The following PHACTR1 variants were observed in gnomAD, a reference collection of about 807,000 sequenced individuals.
PHACTR1 encodes the protein phosphatase and actin regulator 1.
A neutral mutation model predicts 69.2 loss-of-function variants in PHACTR1; 16 were observed. The ratio of observed to expected loss-of-function variants is 0.23; its 90% confidence interval spans 0.16 to 0.35. PHACTR1 has a LOEUF of 0.35. PHACTR1 is among the 10% of genes least tolerant of loss of function. The pLI, the probability that PHACTR1 is intolerant of heterozygous loss-of-function variation, is 1.00. For missense variants in PHACTR1, 510 were observed against 734.7 expected (o/e 0.69, Z 3.54); for synonymous variants, 312 against 284.5 (o/e 1.10, Z -0.97).
intron 3 of PHACTR1, among the ~76,000 whole-genome samples, chr6:12,742,156 C>G (rs1581532770): frequency 6.6e-6 from 1 of 152,148 alleles, no homozygotes; most frequent in Non-Finnish European, 1.5e-5. Context: ...AGAATGGCTA[C>G]TGTACTGGCA....
chr6:12,999,921 C>T (rs952488469), intron 4 of PHACTR1, among the ~76,000 whole-genome samples: 1 of 152,160 alleles, frequency 6.6e-6, no homozygotes, highest in African/African-American at 2.4e-5. Context: ...CTAAATAATG[C>T]CCAGGTGGAA....
At chr6:12,840,156 A>C (rs538435994) in intron 4 of PHACTR1, among the ~76,000 whole-genome samples, 9 of 152,138 alleles carry the variant, frequency 5.9e-5, no homozygotes, top group African/African-American at 2.2e-4. Context: ...CCTCCACCCC[A>C]CAGCGAGTCC....
intron 4 of PHACTR1, among the ~76,000 whole-genome samples, chr6:12,956,594 A>T (rs1320949313): frequency 4.6e-5 from 7 of 152,052 alleles, no homozygotes; most frequent in Admixed American, 4.6e-4. Flanking sequence ...GCAAAGCAAG[A>T]TGTTGTCCCT....
chr6:13,056,354 C>A (rs1427247385), intron 5 of PHACTR1, among the ~76,000 whole-genome samples: 6 of 152,130 alleles, frequency 3.9e-5, no homozygotes, highest in Admixed American at 3.9e-4. Context: ...GAGCTGTGAT[C>A]GTGCCACTGT....
intron 11 of PHACTR1, chr6:13,274,232 A>C (rs1778414636): frequency 6.6e-6 from 1 of 152,060 alleles, no homozygotes; most frequent in African/African-American, 2.4e-5. Flanking sequence ...AGTTATTTTC[A>C]GGATTAGCCT....
intron 4 of PHACTR1, among the ~76,000 whole-genome samples, chr6:13,001,435 T>C (rs753326985): frequency 1.1e-4 from 16 of 152,254 alleles, no homozygotes; most frequent in African/African-American, 3.1e-4. Context: ...GAAAGGAGGA[T>C]GGTTTTCACA....
At position 13,245,808 on chromosome 6, in the gene PHACTR1, C is replaced by T. The variant is rs1773511569; in HGVS notation, c.1391+15615C>T. 6.6e-6 allele frequency among the ~76,000 whole-genome samples: 1 copy of T among 152,038 alleles called. No homozygotes were observed. Among genetic ancestry groups the T allele is most frequent in the Non-Finnish European group, 1.5e-5 (1 of 68,024 alleles). On this transcript the variant is annotated intron_variant, in intron 10 of 14. Transcript: ENST00000332995. This position sits in a 1 kb window ranked among gnomAD's most constrained non-coding sequence, Gnocchi z 4.1. ...TTAGGTTTTAAGTCTTTTAATCTATCTCGAGTTGATTTTTGTATATGGTGT... is the reference window on the plus strand; with the variant it reads ...TTAGGTTTTAAGTCTTTTAATCTATTTCGAGTTGATTTTTGTATATGGTGT...
intron 5 of PHACTR1, among the ~76,000 whole-genome samples, chr6:13,151,256 A>C (rs1041506951): frequency 2.6e-5 from 4 of 152,220 alleles, no homozygotes; most frequent in Non-Finnish European, 5.9e-5. Context: ...ACAGAGATAG[A>C]TTGTCCTGGA....
At position 12,975,128 on chromosome 6, in the gene PHACTR1, T is replaced by A. The variant is rs1228043091; in HGVS notation, c.251-78237T>A. Among the ~76,000 whole-genome samples the A allele has an allele frequency of 1.2e-4, 19 of 152,004 alleles. 1 individual carries two copies. ...TATCTGTTACAATGAGTGTGAGAGG[T>A]GTGGGGAAGTATGGGAAATGAATAT... On this transcript the variant is annotated intron_variant, in intron 4 of 14. Transcript: ENST00000332995.
chr6:12,900,148 C>T (rs377417802), intron 4 of PHACTR1, among the ~76,000 whole-genome samples: 2 of 152,212 alleles, frequency 1.3e-5, no homozygotes, highest in African/African-American at 4.8e-5. Context: ...TTCTTCAAAC[C>T]ACTTGTTCTT....
chr6:12,925,462 G>A (rs182795272), intron 4 of PHACTR1, among the ~76,000 whole-genome samples: 33 of 152,212 alleles, frequency 2.2e-4, no homozygotes, highest in African/African-American at 7.5e-4. Flanking sequence ...TCTTTCTAAG[G>A]TACGAAACTG....
rs1757934592 is a variant in PHACTR1, at chr6:13,154,799, CTCT to C, written c.416-5398_416-5396del. Among the ~76,000 whole-genome samples, 3 of 151,064 alleles carry C rather than the reference CTCT, an allele frequency of 2.0e-5. 1 individual carries two copies. The highest frequency in any genetic ancestry group is 2.0e-4 in the Admixed American group (3 of 15,204). On this transcript the variant is annotated intron_variant, in intron 5 of 14. Transcript: ENST00000332995. ...TTCTCCCTTTCTCGGTGGCTCACTC[CTCT>C]TCTTCTAAATTCTTTAACTTTTCAT...
intron 4 of PHACTR1, among the ~76,000 whole-genome samples, chr6:12,839,224 A>T (rs1218701094): frequency 6.6e-6 from 1 of 152,182 alleles, no homozygotes; most frequent in Non-Finnish European, 1.5e-5. Flanking sequence ...GAAGGCTAAC[A>T]GTGGGTCTAA....
At chr6:13,217,440 C>A (rs998417628) in intron 8 of PHACTR1, among the ~76,000 whole-genome samples, 3 of 152,236 alleles carry the variant, frequency 2.0e-5, no homozygotes, top group African/African-American at 7.2e-5. Flanking sequence ...AAAGCCACCA[C>A]TGGTTTCTCC....
intron 7 of PHACTR1, among the ~76,000 whole-genome samples, chr6:13,200,229 G>T (rs1039215710): frequency 2.1e-5 from 3 of 143,336 alleles, no homozygotes; most frequent in Non-Finnish European, 3.1e-5. Flanking sequence ...TTTTTTTTTT[G>T]AGATGGAGTC....
chr6:12,958,081 T>C, intron 4 of PHACTR1: 2 of 927,492 alleles, frequency 2.2e-6, no homozygotes, highest in South Asian at 9.9e-5. Flanking sequence ...TTTTGTTTAT[T>C]TGTTAGATGG....
At chr6:13,208,751 TAAAAA>T (rs964590851) in intron 8 of PHACTR1, among the ~76,000 whole-genome samples, 1 of 151,762 alleles carries the variant, frequency 6.6e-6, no homozygotes, top group Admixed American at 6.6e-5. Context: ...TGCTTCCACT[TAAAAA>T]AAACACCATA....
At chr6:13,200,588 C>T (rs1431090657) in intron 7 of PHACTR1, among the ~76,000 whole-genome samples, 1 of 152,052 alleles carries the variant, frequency 6.6e-6, no homozygotes, top group African/African-American at 2.4e-5. Flanking sequence ...CCCTTTTGTT[C>T]AGAGAAAAGG....
intron 4 of PHACTR1, among the ~76,000 whole-genome samples, chr6:12,901,116 A>G (rs1055965180): frequency 6.6e-6 from 1 of 152,060 alleles, no homozygotes; most frequent in East Asian, 1.9e-4. Flanking sequence ...GTAAGTAAAG[A>G]AATAAGGAGC....
Sources: allele counts gnomAD v4.1 joint callset (sites outside exome capture counted in the v4.1 genomes callset), GRCh38; gene constraint gnomAD v4.1.1; non-coding constraint Gnocchi (gnomAD v3.1); transcripts MANE v1.5; gene names NCBI Gene and HGNC (gene_info 2026-07-23, HGNC 2026-07-21).